The following NPLOC4 variants were observed in gnomAD, a reference collection of about 807,000 sequenced individuals.
NPLOC4 encodes nuclear protein localization protein 4 homolog.
In NPLOC4, 18 loss-of-function variants were observed where a neutral mutation model predicts 80.6. The ratio of observed to expected loss-of-function variants is 0.22; its 90% CI spans 0.15 to 0.33. The LOEUF is 0.33. Ranked by LOEUF, NPLOC4 falls within the 10% of genes least tolerant of loss-of-function variation. The pLI, the probability that NPLOC4 is intolerant of heterozygous loss-of-function variation, is 1.00. For missense variants in NPLOC4, 540 were observed against 786.1 expected (o/e 0.69, Z 3.74); for synonymous variants, 313 against 301.5 (o/e 1.04, Z -0.39).
intron 16 of NPLOC4, chr17:81,565,061 G>A (rs1023628631): frequency 1.9e-5 from 10 of 539,626 alleles, no homozygotes; most frequent in African/African-American, 5.7e-5. Context: ...CCTGCGGTCC[G>A]TTCCGTAGTG....
intron 6 of NPLOC4, 117 bp from the exon 7 acceptor site, chr17:81,606,931 G>T (rs1004910419): frequency 4.5e-6 from 4 of 879,416 alleles, no homozygotes; most frequent in Non-Finnish European, 7.1e-6. Context: ...CTAAGCACGT[G>T]GCAGCAGCAG....
In NPLOC4 at chr17:81,567,787, GCTGA is replaced by G; in HGVS notation, c.1450-258_1450-255del. 4.9e-6 allele frequency: 2 copies of G among 406,352 alleles called. No homozygotes were observed. The highest frequency in any genetic ancestry group is 5.3e-5 in the South Asian group (2 of 37,748). 25.2% of individuals were successfully genotyped at this position (406,352 alleles called of 1,614,324 possible). A position where few individuals can be genotyped will look rare whatever the true frequency, so the allele number is the denominator to read the frequency against. On this transcript the variant is annotated intron_variant, in intron 14 of 16. Coordinates refer to ENST00000331134, the MANE Select transcript of NPLOC4 (RefSeq NM_017921.4). This position sits in a 1 kb window ranked among gnomAD's most constrained non-coding sequence, Gnocchi z 4.5. Reference sequence around the variant, plus strand: ...ATGTGCAAGGAGACATGCTTATAAAGCTGACTCAGACTGGCCAGGTGTGGAGGCT... The same window carrying G: ...ATGTGCAAGGAGACATGCTTATAAAGCTCAGACTGGCCAGGTGTGGAGGCT...
chr17:81,587,680 T>TA (rs1315027643), intron 12 of NPLOC4, among the ~76,000 whole-genome samples: 1 of 144,504 alleles, frequency 6.9e-6, no homozygotes, highest in African/African-American at 2.5e-5. Flanking sequence ...AGTTGTTTTT[T>TA]TTTTTTTTTT....
At chr17:81,622,324 A>G (rs758754140) in intron 2 of NPLOC4, 46 bp from the exon 3 acceptor site, 32 of 1,344,140 alleles carry the variant, frequency 2.4e-5, no homozygotes, top group Admixed American at 8.4e-5. Context: ...ATGCTAAAGT[A>G]TCACTACACA....
intron 2 of NPLOC4, among the ~76,000 whole-genome samples, chr17:81,624,611 C>A (rs369976141): frequency 0.093 from 14,046 of 150,632 alleles, 708 homozygotes; most frequent in Middle Eastern, 0.17. Context: ...AAAAGAAAAA[C>A]AAAAAAAAGA....
rs7208474 is a variant in NPLOC4 at position 81,600,327 on chromosome 17, G to C, written c.921+14C>G. 6.2e-7 allele frequency: 1 copy of C among 1,600,650 alleles called. No homozygotes were observed. ...TGGCCACGCCCCCTGCTTGGCTGCC[G>C]GATGCCTCAGTACCTTCCGCAGGCC... On this transcript the variant is annotated intron_variant, in intron 9 of 16. Transcript: ENST00000331134.
rs531729140 is a variant in NPLOC4, at chr17:81,635,687, G to GT, written c.15+1228dup. 4.4e-3 allele frequency among the ~76,000 whole-genome samples: 666 copies of GT among 152,274 alleles called. 5 individuals are homozygous for GT. Among genetic ancestry groups the GT allele is most frequent in the South Asian group, 0.01 (49 of 4,828 alleles). On this transcript the variant is annotated intron_variant, in intron 1 of 16. Transcript: ENST00000331134. ...TTCCCAAAGTGCTGGGATTACAGGT[G>GT]TGAGTCACCGCGCCGGGCCTGGAGA...
chr17:81,571,976 A>T, intron 13 of NPLOC4, 41 bp downstream of exon 13: 1 of 1,506,764 alleles, frequency 6.6e-7, no homozygotes, highest in Non-Finnish European at 9.0e-7. Flanking sequence ...CAAGGCGCCC[A>T]ATGGGTCCAC....
intron 11 of NPLOC4, among the ~76,000 whole-genome samples, chr17:81,592,671 T>C (rs985576031): frequency 4.7e-4 from 71 of 152,286 alleles, no homozygotes; most frequent in African/African-American, 1.6e-3. Context: ...TTCTGGCCCA[T>C]GGAATAATTT....
intron 1 of NPLOC4, among the ~76,000 whole-genome samples, chr17:81,634,637 G>C (rs956269369): frequency 1.3e-5 from 2 of 150,502 alleles, no homozygotes; most frequent in African/African-American, 4.9e-5. Flanking sequence ...CCAGGCTGGA[G>C]TGCAGTGGCG....
intron 12 of NPLOC4, among the ~76,000 whole-genome samples, chr17:81,581,566 C>G (rs1382299569): frequency 6.6e-6 from 1 of 152,118 alleles, no homozygotes; most frequent in Non-Finnish European, 1.5e-5. Flanking sequence ...TGGCTCCAGC[C>G]AGAGGGGCAG....
chr17:81,578,650 G>C (rs2034362222), intron 12 of NPLOC4, among the ~76,000 whole-genome samples: 1 of 152,132 alleles, frequency 6.6e-6, no homozygotes, highest in African/African-American at 2.4e-5. Context: ...CCGAGCAAAG[G>C]GGGAAGAGCC....
At chr17:81,602,962 C>CA (rs952051931) in intron 8 of NPLOC4, among the ~76,000 whole-genome samples, 6 of 138,258 alleles carry the variant, frequency 4.3e-5, no homozygotes, top group Non-Finnish European at 7.6e-5. Context: ...TATATATACA[C>CA]ACATATATAT....
intron 2 of NPLOC4, among the ~76,000 whole-genome samples, chr17:81,622,696 G>A (rs1309655288): frequency 3.3e-5 from 5 of 151,950 alleles, no homozygotes; most frequent in African/African-American, 4.8e-5. Flanking sequence ...GATTACAGGC[G>A]CCTGCCACCA....
chr17:81,621,572 C>G (rs149822567), intron 3 of NPLOC4, among the ~76,000 whole-genome samples: 1,576 of 152,320 alleles, frequency 0.01, 27 homozygotes, highest in South Asian at 0.017. Context: ...CACCCGTGTT[C>G]CGTAAAGGAC....
At chr17:81,584,882 C>T (rs996952220) in intron 12 of NPLOC4, among the ~76,000 whole-genome samples, 4 of 152,036 alleles carry the variant, frequency 2.6e-5, no homozygotes, top group Admixed American at 1.3e-4. Flanking sequence ...AACATGGGAA[C>T]GAGGCCCAGC....
rs2034177842 is a variant in NPLOC4, at chr17:81,572,166, C to A, written c.1282-78G>T. 3 of 703,688 alleles carry A rather than the reference C, an allele frequency of 4.3e-6. No individual in the cohort carries two copies. The East Asian group carries it at 9.7e-5, about 23-fold the overall frequency. 43.6% of individuals were successfully genotyped at this position (703,688 alleles called of 1,614,324 possible). ...TTTTCCTTTCACATGCTTGTCTCAC[C>A]TTTTATTTAATTAATTAATTTATTT... On this transcript the variant is annotated intron_variant, in intron 12 of 16. Coordinates refer to ENST00000331134, the MANE Select transcript of NPLOC4 (RefSeq NM_017921.4). The surrounding 1 kb of genome is among the most constrained non-coding windows in gnomAD (Gnocchi z 4.5).
chr17:81,617,325 T>C (rs976630073), intron 3 of NPLOC4, among the ~76,000 whole-genome samples: 2 of 152,176 alleles, frequency 1.3e-5, no homozygotes, highest in African/African-American at 4.8e-5. Context: ...CCAGCTGCAG[T>C]GCAGTGGCAC....
At chr17:81,589,735 C>CGTAA (rs2034685141) in intron 11 of NPLOC4, among the ~76,000 whole-genome samples, 1 of 151,532 alleles carries the variant, frequency 6.6e-6, no homozygotes, top group East Asian at 1.9e-4. Context: ...GCTCAGATTA[C>CGTAA]GCCTGTAATC....
Sources: gnomAD v4.1 joint callset for allele counts (sites outside exome capture counted in the v4.1 genomes callset) on GRCh38, gnomAD v4.1.1 for gene constraint, Gnocchi (gnomAD v3.1) non-coding constraint, MANE v1.5 for transcripts, NCBI Gene and HGNC (gene_info 2026-07-23, HGNC 2026-07-21) for gene names.